NCKAP1: variants seen among roughly 807,000 people sequenced by gnomAD.
The protein encoded by NCKAP1 is nck-associated protein 1.
In NCKAP1, 21 loss-of-function variants were observed where a neutral mutation model predicts 151.2. The ratio of observed to expected loss-of-function variants is 0.14; its 90% CI spans 0.10 to 0.20. NCKAP1 has a LOEUF of 0.20. Ranked by LOEUF, NCKAP1 falls within the 10% of genes least tolerant of loss-of-function variation. NCKAP1 has a pLI of 1.00. For synonymous variants in NCKAP1, 484 were observed against 451.8 expected (o/e 1.07, Z -0.90); for missense variants, 933 against 1,352.1 (o/e 0.69, Z 4.86).
At chr2:182,961,175 G>T (rs1248004877) in intron 18 of NCKAP1, among the ~76,000 whole-genome samples, 1 of 152,136 alleles carries the variant, frequency 6.6e-6, no homozygotes, top group Admixed American at 6.6e-5. Context: ...TCAGTGTGGC[G>T]ATTCCTCAAG....
intron 23 of NCKAP1, among the ~76,000 whole-genome samples, chr2:182,942,740 A>G (rs1697023081): frequency 6.6e-6 from 1 of 152,124 alleles, no homozygotes; most frequent in Non-Finnish European, 1.5e-5. Context: ...GAAAAGAAGG[A>G]AGAGATATAA....
At chr2:182,986,013 C>G (rs1359175358) in intron 10 of NCKAP1, among the ~76,000 whole-genome samples, 158 bp downstream of exon 10, 1 of 152,092 alleles carries the variant, frequency 6.6e-6, no homozygotes, top group South Asian at 2.1e-4. Context: ...CAAGGTTCTA[C>G]ATATTGAGGC....
rs146508848 is a variant in NCKAP1, at chr2:183,035,825, A to G, written c.108+2167T>C. Among the ~76,000 whole-genome samples the G allele has an allele frequency of 2.6e-5, 4 of 152,308 alleles. No homozygotes were observed. In the East Asian group the frequency reaches 7.7e-4, roughly 29 times the overall value. On this transcript the variant is annotated intron_variant, in intron 1 of 30. Coordinates refer to ENST00000361354, the MANE Select transcript of NCKAP1 (RefSeq NM_013436.5). ...AAAACTAGAGCACACAGGTTTTGAG[A>G]GAGAGGAGGGAAGTAATTCATTCAT...
In NCKAP1 at chr2:182,925,409, A is replaced by G. The variant is rs1696622507; in HGVS notation, c.*293T>C. ...CTTTTTCAGAAATAAACAAGCAAAGATTTTTTTCATTATCAAATATCAAAA... is the reference window on the plus strand; with the variant it reads ...CTTTTTCAGAAATAAACAAGCAAAGGTTTTTTTCATTATCAAATATCAAAA... On this transcript the variant is annotated 3_prime_UTR_variant, in exon 31 of 31. Coordinates refer to ENST00000361354, the MANE Select transcript of NCKAP1 (RefSeq NM_013436.5). 5.8e-6 allele frequency: 1 copy of G among 171,462 alleles called. No individual in the cohort carries two copies. The allele number at this position is 171,462 out of a possible 1,614,324, so 10.6% of individuals were successfully genotyped here. A position where few individuals can be genotyped will look rare whatever the true frequency, so the allele number is the denominator to read the frequency against.
intron 6 of NCKAP1, 45 bp from the exon 7 acceptor site, chr2:182,995,883 T>A: frequency 6.6e-7 from 1 of 1,524,172 alleles, no homozygotes; most frequent in Non-Finnish European, 9.1e-7. Flanking sequence ...TTTTCTTTCC[T>A]TTTCTGTTTA....
rs1224603351 is a variant in NCKAP1, at chr2:182,915,862, C to T, written c.*9840G>A. On this transcript the variant is annotated 3_prime_UTR_variant, in exon 31 of 31. Coordinates refer to ENST00000361354, the MANE Select transcript of NCKAP1 (RefSeq NM_013436.5). Reference sequence around the variant, plus strand: ...GATGGCCTCTCTTCTTTGCTCTTGGCATTTCACTTAAATTTTCAGATTTAA... The same window carrying T: ...GATGGCCTCTCTTCTTTGCTCTTGGTATTTCACTTAAATTTTCAGATTTAA... The T allele has an allele frequency of 6.6e-6, 1 of 152,122 alleles. No homozygotes were observed. The highest frequency in any genetic ancestry group is 6.5e-5 in the Admixed American group (1 of 15,274). 9.4% of individuals were successfully genotyped at this position (152,122 alleles called of 1,614,324 possible). A position where few individuals can be genotyped will look rare whatever the true frequency, so the allele number is the denominator to read the frequency against.
chr2:182,979,723 A>G (rs2105851246), intron 13 of NCKAP1, among the ~76,000 whole-genome samples: 1 of 152,274 alleles, frequency 6.6e-6, no homozygotes, highest in East Asian at 1.9e-4. Context: ...TTGTGAATAT[A>G]CTTTGCAACA....
In NCKAP1 at chr2:182,953,449, AATTT is replaced by A; in HGVS notation, c.2154-122_2154-119del. 7.7e-6 allele frequency: 5 copies of A among 652,170 alleles called. No homozygotes were observed. In the South Asian group the frequency reaches 1.2e-4, roughly 16 times the overall value. The allele number at this position is 652,170 out of a possible 1,614,324, so 40.4% of individuals were successfully genotyped here. A position where few individuals can be genotyped will look rare whatever the true frequency, so the allele number is the denominator to read the frequency against. On this transcript the variant is annotated intron_variant, in intron 20 of 30. Coordinates refer to ENST00000361354, the MANE Select transcript of NCKAP1 (RefSeq NM_013436.5). ...AAGCAATAAAATTAACTTTAAAAAT[AATTT>A]ATTACAAAGCTGTAAAATTACTGTC...
intron 1 of NCKAP1, among the ~76,000 whole-genome samples, 187 bp from the exon 2 acceptor site, chr2:183,024,103 TC>T (rs1200236692): frequency 6.6e-6 from 1 of 152,002 alleles, no homozygotes; most frequent in African/African-American, 2.4e-5. Context: ...GAGATGTTCT[TC>T]TACTGAAAAA....
intron 2 of NCKAP1, among the ~76,000 whole-genome samples, chr2:183,015,153 T>C (rs1453163170): frequency 6.6e-6 from 1 of 152,152 alleles, no homozygotes; most frequent in African/African-American, 2.4e-5. Context: ...GACAAAAATA[T>C]ATAGCACATA....
At chr2:182,983,687 A>G (rs1164881706) in intron 10 of NCKAP1, among the ~76,000 whole-genome samples, 2 of 152,210 alleles carry the variant, frequency 1.3e-5, no homozygotes, top group African/African-American at 4.8e-5. Flanking sequence ...ATTTATGAAT[A>G]ATTTATCCAA....
chr2:183,019,858 G>A lies in NCKAP1; in HGVS notation c.219+3948C>T, dbSNP rs779034825. Among the ~76,000 whole-genome samples, 3 of 152,002 alleles carry A rather than the reference G, an allele frequency of 2.0e-5. No homozygotes were observed. In the East Asian group the frequency reaches 5.8e-4, roughly 29 times the overall value. ...CTAGATTTTCCCTAAACCCAGAATC[G>A]GAAATATAAAACTTGTTACAACTGG... On this transcript the variant is annotated intron_variant, in intron 2 of 30. Transcript: ENST00000361354.
At chr2:182,934,145 C>CTT (rs970036589) in intron 26 of NCKAP1, among the ~76,000 whole-genome samples, 1 of 148,508 alleles carries the variant, frequency 6.7e-6, no homozygotes. Context: ...CTTCATCTTT[C>CTT]TTTTTTTTTT....
At chr2:182,938,908 A>G (rs142499861) in intron 24 of NCKAP1, among the ~76,000 whole-genome samples, 31 of 152,342 alleles carry the variant, frequency 2.0e-4, no homozygotes, top group Admixed American at 9.8e-4. Flanking sequence ...TGGGAGAGCT[A>G]GAAGACATGG....
intron 27 of NCKAP1, among the ~76,000 whole-genome samples, chr2:182,929,900 G>A (rs1696726332): frequency 6.6e-6 from 1 of 151,910 alleles, no homozygotes; most frequent in Admixed American, 6.6e-5. Context: ...AGGATTCTGA[G>A]TACTGCATTT....
At position 183,001,995 on chromosome 2, in the gene NCKAP1, G is replaced by T; in HGVS notation, c.561C>A (p.Asn187Lys). Residue 187 changes from asparagine (N) to lysine (K), a missense_variant, in exon 6 of 31, where the codon AAC (asparagine) becomes AAA (lysine). Coordinates refer to ENST00000361354, the MANE Select transcript of NCKAP1 (RefSeq NM_013436.5). The part of the protein sequence containing the change: ...RLGQMIVDYE[N>K]PLKKMMEEFV... ...ATTCTTCCATCATCTTCTTTAAAGG[G>T]TTTTCATAATCCACAATCATCTGGC... 1 of 1,613,732 alleles carries T rather than the reference G, an allele frequency of 6.2e-7. No individual in the cohort carries two copies. Among genetic ancestry groups the T allele is most frequent in the Non-Finnish European group, 8.5e-7 (1 of 1,179,856 alleles).
chr2:183,017,663 G>C, intron 2 of NCKAP1, among the ~76,000 whole-genome samples: 1 of 152,066 alleles, frequency 6.6e-6, no homozygotes, highest in South Asian at 2.1e-4. Context: ...TGGGGGTTGG[G>C]GACCCTGATC....
chr2:182,972,224 C>CAAA (rs56834438), intron 15 of NCKAP1, among the ~76,000 whole-genome samples: 105 of 67,644 alleles, frequency 1.6e-3, no homozygotes, highest in African/African-American at 2.1e-3. Context: ...AGCTTAATAG[C>CAAA]AAAAAAAAAA....
intron 13 of NCKAP1, 56 bp from the exon 14 acceptor site, chr2:182,978,971 G>A (rs1575043820): frequency 2.5e-6 from 3 of 1,219,858 alleles, no homozygotes; most frequent in Non-Finnish European, 3.6e-6. Flanking sequence ...AAACAACTCA[G>A]GTCTATCAAT....
Sources: allele counts gnomAD v4.1 joint callset (sites outside exome capture counted in the v4.1 genomes callset), GRCh38; gene constraint gnomAD v4.1.1; transcripts MANE v1.5; gene names NCBI Gene and HGNC (gene_info 2026-07-23, HGNC 2026-07-21).